The following FLT4 variants were observed in gnomAD, a reference collection of about 807,000 sequenced individuals.
The protein encoded by FLT4 is fms related receptor tyrosine kinase 4, also known as vascular endothelial growth factor receptor 3.
Under a neutral mutation model 163.2 loss-of-function variants are expected in FLT4, and 30 were observed. The ratio of observed to expected loss-of-function variants is 0.18; its 90% confidence interval spans 0.14 to 0.25. The LOEUF is 0.25. Among genes scored for constraint, FLT4 ranks in the 10% least tolerant of loss-of-function variants. FLT4 has a pLI of 1.00. For synonymous variants in FLT4, 884 were observed against 789.5 expected, an observed-to-expected ratio of 1.12 and a Z score of -2.01; for missense variants, 1,510 against 1,863.8, an observed-to-expected ratio of 0.81 and a Z score of 3.50.
At chr5:180,634,647 A>T (rs1764414285) in intron 1 of FLT4, among the ~76,000 whole-genome samples, 1 of 137,716 alleles carries the variant, frequency 7.3e-6, no homozygotes, top group African/African-American at 2.8e-5. Context: ...GTGAGTGGAG[A>T]TCGCACCACT....
At chr5:180,644,720 C>T (rs965455106) in intron 1 of FLT4, among the ~76,000 whole-genome samples, 2 of 152,264 alleles carry the variant, frequency 1.3e-5, no homozygotes, top group Non-Finnish European at 2.9e-5. Flanking sequence ...GGAGGTGTGG[C>T]CCACTGCCGG....
At position 180,636,094 on chromosome 5, in the gene FLT4, G is replaced by A. The variant is rs995657069; in HGVS notation, c.59-4316C>T. On this transcript the variant is annotated intron_variant, in intron 1 of 29. Coordinates refer to ENST00000261937, the MANE Select transcript of FLT4 (RefSeq NM_182925.5). The surrounding 1 kb of genome is among the most constrained non-coding windows in gnomAD (Gnocchi z 4.3). Reference sequence around the variant, plus strand: ...GAGTCTGTAGGAGCTTCCTCCTGAAGGCACCGTGCCACCAAAGGAAGCACC... The same window carrying A: ...GAGTCTGTAGGAGCTTCCTCCTGAAAGCACCGTGCCACCAAAGGAAGCACC... Among the ~76,000 whole-genome samples the A allele has an allele frequency of 6.6e-6, 1 of 151,944 alleles. No individual in the cohort carries two copies. Among genetic ancestry groups the A allele is most frequent in the African/African-American group, 2.4e-5 (1 of 41,322 alleles).
Position 180,623,842 on chromosome 5 carries a change from C to A in FLT4, c.1548+93G>T. The A allele has an allele frequency of 6.5e-7, 1 of 1,546,012 alleles. No homozygotes were observed. Among genetic ancestry groups the A allele is most frequent in the Admixed American group, 1.7e-5 (1 of 59,860 alleles). On this transcript the variant is annotated intron_variant, in intron 11 of 29. Coordinates refer to ENST00000261937, the MANE Select transcript of FLT4 (RefSeq NM_182925.5). The surrounding 1 kb of genome is among the most constrained non-coding windows in gnomAD (Gnocchi z 5.8). ...GCTCTCGGCTGCTCTGCCCAGCACT[C>A]TGGAAGCCAGGTGGAAACCACATGG...
chr5:180,645,472 C>T (rs951769801), intron 1 of FLT4, among the ~76,000 whole-genome samples: 6 of 152,210 alleles, frequency 3.9e-5, no homozygotes, highest in Non-Finnish European at 8.8e-5. Flanking sequence ...GCTGCTAAAT[C>T]GGGGCCACCA....
intron 1 of FLT4, among the ~76,000 whole-genome samples, chr5:180,645,406 G>A (rs1377778307): frequency 3.3e-5 from 5 of 152,364 alleles, no homozygotes; most frequent in African/African-American, 4.8e-5. Context: ...CTTGCTGGCC[G>A]GCAGGACGAG....
chr5:180,630,349 G>A lies in FLT4; in HGVS notation c.401-12C>T. ...TGGCTGCTCAAAGTCTATGGAGAGG[G>A]AGCAAGCTGTTGGGGAAGGGACGTG... is the stretch of plus-strand genomic sequence containing the variant. On this transcript the variant is annotated splice_polypyrimidine_tract_variant and intron_variant, in intron 3 of 29. Transcript: ENST00000261937. The surrounding 1 kb of genome is among the most constrained non-coding windows in gnomAD (Gnocchi z 6.3). The A allele has an allele frequency of 6.2e-7, 1 of 1,605,416 alleles. No homozygotes were observed. The highest frequency in any genetic ancestry group is 8.5e-7 in the Non-Finnish European group (1 of 1,178,352).
Position 180,616,367 on chromosome 5 carries a change from A to T in FLT4, c.3219T>A (p.Ser1073Arg). The change falls in exon 23 of 30, where the codon AGT (serine) becomes AGA (arginine). Residue 1073 changes from serine (S) to arginine (R), a missense_variant and splice_region_variant. By Grantham distance (110) the Ser-to-Arg change is moderately radical. Coordinates refer to ENST00000261937, the MANE Select transcript of FLT4 (RefSeq NM_182925.5). ...YKDPDYVRKG[S>R]ARLPLKWMAP... Reference sequence around the variant, plus strand: ...CCTCTCCTCAATGGCCTGCACTCACACTGCCCTTGCGGACGTAGTCGGGGT... The same window carrying T: ...CCTCTCCTCAATGGCCTGCACTCACTCTGCCCTTGCGGACGTAGTCGGGGT... 6.2e-7 allele frequency: 1 copy of T among 1,613,854 alleles called. No homozygotes were observed. The highest frequency in any genetic ancestry group is 1.1e-5 in the South Asian group (1 of 91,088).
At chr5:180,617,075 G>A in intron 21 of FLT4, 81 bp from the exon 22 acceptor site, 1 of 1,006,876 alleles carries the variant, frequency 9.9e-7, no homozygotes, top group Non-Finnish European at 1.6e-6. Flanking sequence ...CAGCTAACAA[G>A]CATGTCAGCC....
At chr5:180,611,141 C>T (rs964558467) in intron 27 of FLT4, among the ~76,000 whole-genome samples, 190 bp downstream of exon 27, 1 of 152,188 alleles carries the variant, frequency 6.6e-6, no homozygotes, top group African/African-American at 2.4e-5. Context: ...AAAACAAGCA[C>T]GCAGCCAGGC....
rs1019617033 is a variant in FLT4 at position 180,623,695 on chromosome 5, T to C, written c.1548+240A>G. 6.6e-6 allele frequency among the ~76,000 whole-genome samples: 1 copy of C among 152,186 alleles called. No homozygotes were observed. The highest frequency in any genetic ancestry group is 2.4e-5 in the African/African-American group (1 of 41,462). ...CATGGCCTGGCCAGGTGGCCTTGCA[T>C]GTCAGCTTCCTTGTCTGGGAAGCCG... On this transcript the variant is annotated intron_variant, in intron 11 of 29. Transcript: ENST00000261937. This position sits in a 1 kb window ranked among gnomAD's most constrained non-coding sequence, Gnocchi z 5.8.
chr5:180,603,119 C>A lies in FLT4; in HGVS notation c.*73G>T. On this transcript the variant is annotated 3_prime_UTR_variant, in exon 30 of 30. Coordinates refer to ENST00000261937, the MANE Select transcript of FLT4 (RefSeq NM_182925.5). ...AGAGTTCAACCAGATGAGTTCCCAGCCTGGGCCTCCAGCCCTCTGCCCGCC... is the reference window on the plus strand; with the variant it reads ...AGAGTTCAACCAGATGAGTTCCCAGACTGGGCCTCCAGCCCTCTGCCCGCC... The A allele has an allele frequency of 2.7e-6, 4 of 1,459,268 alleles. No homozygotes were observed. 90.4% of individuals were successfully genotyped at this position (1,459,268 alleles called of 1,614,324 possible). A position where few individuals can be genotyped will look rare whatever the true frequency, so the allele number is the denominator to read the frequency against.
upstream of FLT4, chr5:180,649,629 C>T: frequency 8.7e-6 from 3 of 344,912 alleles, no homozygotes; most frequent in Non-Finnish European, 1.3e-5. Flanking sequence ...TGGCCTGGGG[C>T]GGGGCGGGGC....
rs774489435 is a variant in FLT4 at position 180,629,005 on chromosome 5, G to A, written c.986-6C>T. ...GACGCTGATGAAGGGATTTTCTGCC[G>A]GACAGGAGAAGTCACTGTAAATCCA... is the stretch of plus-strand genomic sequence containing the variant. On this transcript the variant is annotated splice_polypyrimidine_tract_variant and splice_region_variant and intron_variant, in intron 7 of 29. Transcript: ENST00000261937. The A allele has an allele frequency of 2.7e-5, 44 of 1,607,026 alleles. No individual in the cohort carries two copies. The highest frequency in any genetic ancestry group is 2.1e-4 in the South Asian group (19 of 90,974).
At chr5:180,618,697 G>GGTGGGTTACC (rs765979038) in intron 21 of FLT4, 73 bp downstream of exon 21, 1 of 323,958 alleles carries the variant, frequency 3.1e-6, no homozygotes, top group East Asian at 5.3e-5. Context: ...AGGACCCCAG[G>GGTGGGTTACC]CTGGGGTGCC....
In FLT4 at chr5:180,630,827, G is replaced by A. The variant is rs113457391; in HGVS notation, c.156-28C>T. 3.8e-6 allele frequency: 6 copies of A among 1,583,910 alleles called. No homozygotes were observed. In the East Asian group the frequency reaches 1.1e-4, roughly 30 times the overall value. On this transcript the variant is annotated intron_variant, in intron 2 of 29. Transcript: ENST00000261937. The surrounding 1 kb of genome is among the most constrained non-coding windows in gnomAD (Gnocchi z 6.3). ...GGCAGAGGACAGGAGTGGTCAGGTG[G>A]GCCCCAGGGCAGCCCATGGGGACTG...
At chr5:180,612,705 T>A in intron 25 of FLT4, 94 bp from the exon 26 acceptor site, 1 of 854,210 alleles carries the variant, frequency 1.2e-6, no homozygotes, top group Non-Finnish European at 2.0e-6. Flanking sequence ...TCACCCACTC[T>A]GCCCTCCTCC....
At chr5:180,629,461 G>A in intron 6 of FLT4, 34 bp from the exon 7 acceptor site, 1 of 1,606,914 alleles carries the variant, frequency 6.2e-7, no homozygotes, top group Non-Finnish European at 8.5e-7. Flanking sequence ...GCGTCAGCAG[G>A]CGGGCTCCTG....
chr5:180,631,678 G>C lies in FLT4; in HGVS notation c.155+4C>G. 2 of 1,605,498 alleles carry C rather than the reference G, an allele frequency of 1.2e-6. No homozygotes were observed. The highest frequency in any genetic ancestry group is 1.7e-6 in the Non-Finnish European group (2 of 1,176,326). On this transcript the variant is annotated splice_donor_region_variant and intron_variant, in intron 2 of 29. Transcript: ENST00000261937. ...GGCCTGCCAGTGGGAGAGGGACCCAGTACCTGCAGGAGATGGACAGGCTGT... is the reference window on the plus strand; with the variant it reads ...GGCCTGCCAGTGGGAGAGGGACCCACTACCTGCAGGAGATGGACAGGCTGT...
Position 180,609,004 on chromosome 5 carries a change from T to C in FLT4, c.3857A>G (p.Gln1286Arg). ...TTCTTGTCTATGCCTGCTCTCTATC[T>C]GCTCAAACTCCTCCGAGGCCAGCAC... Reference protein sequence around the residue: ...GMVLASEEFEQIESRHRQESG... With the variant: ...GMVLASEEFERIESRHRQESG... Residue 1286 changes from glutamine to arginine, a missense_variant, in exon 29 of 30, where the codon CAG becomes CGG. Gln to Arg is a conservative substitution (Grantham distance 43). Transcript: ENST00000261937. 1 of 1,614,190 alleles carries C rather than the reference T, an allele frequency of 6.2e-7. No individual in the cohort carries two copies. Among genetic ancestry groups the C allele is most frequent in the South Asian group, 1.1e-5 (1 of 91,080 alleles).
Sources: gnomAD v4.1 joint callset for allele counts (sites outside exome capture counted in the v4.1 genomes callset) on GRCh38, gnomAD v4.1.1 for gene constraint, Gnocchi (gnomAD v3.1) non-coding constraint, MANE v1.5 for transcripts, NCBI Gene and HGNC (gene_info 2026-07-23, HGNC 2026-07-21) for gene names.